Variants in BEND6 observed in about 807,000 individuals in gnomAD.
BEND6 encodes the protein BEN domain-containing protein 6.
A neutral mutation model predicts 31.8 loss-of-function variants in BEND6; 24 were observed. The observed-to-expected ratio is 0.75, with a 90% CI of 0.55 to 1.06. The LOEUF (loss-of-function observed/expected upper bound fraction) is 1.06, where lower values mean the gene tolerates loss of function less well. BEND6 is among the 50% of genes least tolerant of loss of function. The pLI, the probability that BEND6 is intolerant of heterozygous loss-of-function variation, is 0.00. For missense variants in BEND6, 294 were observed against 327.4 expected (o/e 0.90, Z 0.79); for synonymous variants, 109 against 114.6 (o/e 0.95, Z 0.31).
At chr6:57,023,317 A>C (rs1024094626) in intron 6 of BEND6, among the ~76,000 whole-genome samples, 8 of 152,208 alleles carry the variant, frequency 5.3e-5, no homozygotes, top group African/African-American at 1.9e-4. Flanking sequence ...TGTTGTGTGC[A>C]TAGACATTTT....
chr6:57,000,127 T>A (rs898087917), intron 3 of BEND6, among the ~76,000 whole-genome samples: 65 of 150,656 alleles, frequency 4.3e-4, no homozygotes, highest in African/African-American at 1.4e-3. Flanking sequence ...ATGATGATGA[T>A]GGCGGTTTTG....
At chr6:56,969,227 G>C (rs964687191) in intron 1 of BEND6, among the ~76,000 whole-genome samples, 14 of 152,218 alleles carry the variant, frequency 9.2e-5, no homozygotes, top group African/African-American at 3.4e-4. Context: ...GCAGAGTGCT[G>C]TCTGAGGGTT....
chr6:56,974,557 T>G (rs1023258654), intron 1 of BEND6, among the ~76,000 whole-genome samples: 1 of 152,188 alleles, frequency 6.6e-6, no homozygotes, highest in Non-Finnish European at 1.5e-5. Context: ...GTTTTCATAC[T>G]ATGAGAGCAG....
chr6:56,960,277 T>C (rs990711643), intron 1 of BEND6, among the ~76,000 whole-genome samples: 4 of 149,958 alleles, frequency 2.7e-5, no homozygotes, highest in African/African-American at 9.9e-5. Flanking sequence ...TTCATTATTA[T>C]TCCGATGGTA....
At chr6:57,013,667 C>T (rs1287185474) in intron 3 of BEND6, 1 of 152,570 alleles carries the variant, frequency 6.6e-6, no homozygotes, top group Non-Finnish European at 1.5e-5. Flanking sequence ...GGCGAAGATA[C>T]TCCTGTCAGT....
At chr6:56,967,930 A>G (rs1349023134) in intron 1 of BEND6, among the ~76,000 whole-genome samples, 1 of 152,238 alleles carries the variant, frequency 6.6e-6, no homozygotes, top group Non-Finnish European at 1.5e-5. Flanking sequence ...TCCTACCACA[A>G]AGGGTGTCTG....
intron 2 of BEND6, among the ~76,000 whole-genome samples, chr6:56,982,304 A>T (rs2127853318): frequency 6.6e-6 from 1 of 152,306 alleles, no homozygotes; most frequent in African/African-American, 2.4e-5. Context: ...TTTCCTTAAT[A>T]GTCTGAGAAA....
intron 3 of BEND6, chr6:57,014,442 A>G (rs1363547738): frequency 1.4e-6 from 2 of 1,427,696 alleles, no homozygotes; most frequent in Admixed American, 5.0e-5. Flanking sequence ...CAACTCCAAC[A>G]ACATGTTATT....
intron 3 of BEND6, among the ~76,000 whole-genome samples, chr6:57,004,145 C>G (rs1377136287): frequency 6.6e-6 from 1 of 152,156 alleles, no homozygotes; most frequent in African/African-American, 2.4e-5. Flanking sequence ...GTCATCACTC[C>G]TATTCAACCT....
At position 56,981,689 on chromosome 6, in the gene BEND6, T is replaced by A. The variant is rs1179130518; in HGVS notation, c.-100-22T>A. On this transcript the variant is annotated intron_variant, in intron 1 of 6. Coordinates refer to ENST00000370746, the MANE Select transcript of BEND6 (RefSeq NM_152731.3). ...ACAGTTGTGAATATGTTATGTGTCA[T>A]GTTTTTGTTTTTGTTTTTAAGGGAA... The A allele has an allele frequency of 3.7e-6, 4 of 1,069,174 alleles. No homozygotes were observed. The East Asian group carries it at 1.0e-4, about 27-fold the overall frequency. The allele number at this position is 1,069,174 out of a possible 1,614,324, so 66.2% of individuals were successfully genotyped here. A position where few individuals can be genotyped will look rare whatever the true frequency, so the allele number is the denominator to read the frequency against.
At chr6:56,993,212 T>A (rs1826575553) in intron 3 of BEND6, among the ~76,000 whole-genome samples, 1 of 152,246 alleles carries the variant, frequency 6.6e-6, no homozygotes, top group Non-Finnish European at 1.5e-5. Context: ...TGTTCATGTG[T>A]TTATTTTTTC....
intron 2 of BEND6, among the ~76,000 whole-genome samples, chr6:56,984,348 A>T (rs886838355): frequency 6.6e-6 from 1 of 152,220 alleles, no homozygotes; most frequent in African/African-American, 2.4e-5. Flanking sequence ...TTGACTAGAT[A>T]TTATAAAATT....
rs967218313 is a variant in BEND6 at position 56,981,716 on chromosome 6, G to A, written c.-95G>A. 11 of 1,421,160 alleles carry A rather than the reference G, an allele frequency of 7.7e-6. No individual in the cohort carries two copies. The highest frequency in any genetic ancestry group is 1.5e-5 in the African/African-American group (1 of 68,848). 88.0% of individuals were successfully genotyped at this position (1,421,160 alleles called of 1,614,324 possible). A position where few individuals can be genotyped will look rare whatever the true frequency, so the allele number is the denominator to read the frequency against. ...TTTTTGTTTTTGTTTTTAAGGGAAA[G>A]CATTAACTTTTGAGCTACGTCCAGA... On this transcript the variant is annotated 5_prime_UTR_variant, in exon 2 of 7. Transcript: ENST00000370746.
intron 3 of BEND6, 51 bp from the exon 4 acceptor site, chr6:57,015,082 G>A (rs1241307172): frequency 1.3e-6 from 2 of 1,482,092 alleles, no homozygotes; most frequent in Non-Finnish European, 9.4e-7. Context: ...ATGTACATAT[G>A]CACCTATTAT....
intron 6 of BEND6, among the ~76,000 whole-genome samples, chr6:57,019,100 G>A (rs761264538): frequency 2.6e-5 from 4 of 152,124 alleles, no homozygotes; most frequent in Non-Finnish European, 4.4e-5. Flanking sequence ...ATGTTGCTTC[G>A]CATGGTCTTT....
chr6:56,976,250 C>T (rs994202564), intron 1 of BEND6, among the ~76,000 whole-genome samples: 3 of 148,484 alleles, frequency 2.0e-5, no homozygotes, highest in Non-Finnish European at 4.4e-5. Context: ...GGCTGGAGTG[C>T]AGTGGCGCGA....
intron 2 of BEND6, among the ~76,000 whole-genome samples, chr6:56,987,540 AT>A (rs1044334651): frequency 3.9e-5 from 6 of 152,076 alleles, no homozygotes; most frequent in Non-Finnish European, 2.9e-5. Flanking sequence ...GATTGCCCCC[AT>A]TTATCTGTAT....
At chr6:56,993,683 C>G (rs1348714299) in intron 3 of BEND6, among the ~76,000 whole-genome samples, 1 of 151,948 alleles carries the variant, frequency 6.6e-6, no homozygotes, top group East Asian at 1.9e-4. Flanking sequence ...CTCTTTATTT[C>G]TTCACTTCAT....
chr6:56,997,927 A>G (rs956517373), intron 3 of BEND6, among the ~76,000 whole-genome samples: 7 of 152,158 alleles, frequency 4.6e-5, no homozygotes, highest in Non-Finnish European at 1.0e-4. Flanking sequence ...AGAAAACTCA[A>G]TGAACAAAAC....
Sources: gnomAD v4.1 joint callset for allele counts (sites outside exome capture counted in the v4.1 genomes callset) on GRCh38, gnomAD v4.1.1 for gene constraint, MANE v1.5 for transcripts, NCBI Gene and HGNC (gene_info 2026-07-23, HGNC 2026-07-21) for gene names.